The following JARID2 variants were observed in gnomAD, a reference collection of about 807,000 sequenced individuals.
JARID2 encodes protein Jumonji.
In JARID2, 21 loss-of-function variants were observed where a neutral mutation model predicts 125.6. That is an observed-to-expected ratio of 0.17 (90% confidence interval 0.12 to 0.24). The LOEUF is 0.24. Ranked by LOEUF, JARID2 falls within the 10% of genes least tolerant of loss-of-function variation. The probability of loss-of-function intolerance (pLI) is 1.00; values close to 1 mark genes in which losing one functional copy is unlikely to be tolerated. For synonymous variants in JARID2, 736 were observed against 661.6 expected (o/e 1.11, Z -1.73); for missense variants, 1,303 against 1,639.6 (o/e 0.79, Z 3.55).
chr6:15,460,212 G>T (rs900533837), intron 4 of JARID2, among the ~76,000 whole-genome samples: 11 of 152,316 alleles, frequency 7.2e-5, no homozygotes, highest in South Asian at 6.2e-4. Flanking sequence ...CTGAGGAGGG[G>T]AAGGATGGAT....
At chr6:15,458,167 A>C (rs1768275289) in intron 4 of JARID2, among the ~76,000 whole-genome samples, 1 of 152,128 alleles carries the variant, frequency 6.6e-6, no homozygotes, top group African/African-American at 2.4e-5. Flanking sequence ...GGTTATTCTT[A>C]ATGAGTTCTG....
intron 5 of JARID2, among the ~76,000 whole-genome samples, chr6:15,480,580 G>A (rs902896056): frequency 1.3e-5 from 2 of 152,190 alleles, no homozygotes; most frequent in South Asian, 4.1e-4. Flanking sequence ...AGCTTTGTCA[G>A]CTTTCTCTAA....
At chr6:15,447,577 C>T (rs1054173807) in intron 3 of JARID2, among the ~76,000 whole-genome samples, 2 of 152,202 alleles carry the variant, frequency 1.3e-5, no homozygotes, top group African/African-American at 2.4e-5. Context: ...ACCCCAGGAA[C>T]CCCGTGCTCT....
intron 1 of JARID2, among the ~76,000 whole-genome samples, chr6:15,371,596 A>T (rs1420512491): frequency 6.6e-6 from 1 of 152,182 alleles, no homozygotes; most frequent in Non-Finnish European, 1.5e-5. Context: ...TGCTGTAAAG[A>T]TTAATTCAGC....
At chr6:15,348,057 ATTTT>A (rs1763300775) in intron 1 of JARID2, among the ~76,000 whole-genome samples, 1 of 150,808 alleles carries the variant, frequency 6.6e-6, no homozygotes, top group Non-Finnish European at 1.5e-5. Flanking sequence ...AAGTTTAGTT[ATTTT>A]ATTTTTCTTA....
At chr6:15,469,797 TAGGTATAAAA>T (rs1317897540) in intron 5 of JARID2, among the ~76,000 whole-genome samples, 2 of 152,060 alleles carry the variant, frequency 1.3e-5, no homozygotes, top group Admixed American at 6.5e-5. Flanking sequence ...AGATGTAGAA[TAGGTATAAAA>T]AGGAGTGATT....
intron 1 of JARID2, among the ~76,000 whole-genome samples, chr6:15,298,666 T>G (rs1261562766): frequency 6.9e-6 from 1 of 145,550 alleles, no homozygotes; most frequent in Non-Finnish European, 1.5e-5. Context: ...GGCAACAGAG[T>G]GAGACTCCAT....
rs115419219 is a variant in JARID2, at chr6:15,376,884, T to C, written c.181+2632T>C. On this transcript the variant is annotated intron_variant, in intron 2 of 17. Coordinates refer to ENST00000341776, the MANE Select transcript of JARID2 (RefSeq NM_004973.4). ...CATGATCCAGAGAAAGCTCACACAGTAGGGAGCAACCAAGACTTTAGGGCT... is the reference window on the plus strand; with the variant it reads ...CATGATCCAGAGAAAGCTCACACAGCAGGGAGCAACCAAGACTTTAGGGCT... Among the ~76,000 whole-genome samples the C allele has an allele frequency of 7.5e-3, 1,143 of 152,232 alleles. 14 individuals carry two copies. Among genetic ancestry groups the C allele is most frequent in the African/African-American group, 0.026 (1,084 of 41,534 alleles).
Position 15,507,190 on chromosome 6 carries a change from G to A in JARID2, c.2596G>A (p.Gly866Ser). The A allele has an allele frequency of 7.4e-6, 12 of 1,614,022 alleles. No individual in the cohort carries two copies. Among genetic ancestry groups the A allele is most frequent in the Non-Finnish European group, 1.0e-5 (12 of 1,179,910 alleles). The stretch of plus-strand genomic sequence containing the variant: ...GGACTGCCACGTGGCAGTGCACTGC[G>A]GCAAGGTGGACACCAACACTCACGG... ...EKDCHVAVHC[G>S]KVDTNTHGSG... The change falls in exon 10 of 18, where the codon GGC (glycine) becomes AGC (serine). Residue 866 changes from glycine to serine, a missense_variant. By Grantham distance (56) the Gly-to-Ser change is moderately conservative. Transcript: ENST00000341776.
At chr6:15,403,814 A>C (rs1339274941) in intron 2 of JARID2, among the ~76,000 whole-genome samples, 1 of 152,144 alleles carries the variant, frequency 6.6e-6, no homozygotes, top group South Asian at 2.1e-4. Flanking sequence ...CTGTTTTTGC[A>C]GGGGTTAAAT....
At chr6:15,462,357 A>G (rs567469398) in intron 4 of JARID2, among the ~76,000 whole-genome samples, 1 of 152,330 alleles carries the variant, frequency 6.6e-6, no homozygotes, top group Admixed American at 6.5e-5. Flanking sequence ...AAAGTCTTTT[A>G]GGGAAGTTTG....
chr6:15,451,352 C>T (rs11759250), intron 3 of JARID2, among the ~76,000 whole-genome samples: 15,527 of 152,248 alleles, frequency 0.1, 979 homozygotes, highest in Non-Finnish European at 0.14. Context: ...TTAATGTCTA[C>T]CAAATAGTTG....
intron 3 of JARID2, among the ~76,000 whole-genome samples, chr6:15,440,400 G>A (rs1057319142): frequency 1.1e-4 from 16 of 152,168 alleles, no homozygotes; most frequent in African/African-American, 3.6e-4. Context: ...GAAGGTTTGG[G>A]CTGACCCCTT....
At chr6:15,519,506 C>T (rs968367680) in intron 17 of JARID2, among the ~76,000 whole-genome samples, 5 of 152,098 alleles carry the variant, frequency 3.3e-5, no homozygotes, top group East Asian at 1.9e-4. Flanking sequence ...ATAAGATGCA[C>T]GTTTGCTACT....
chr6:15,380,823 A>G (rs2127526710), intron 2 of JARID2, among the ~76,000 whole-genome samples: 1 of 152,284 alleles, frequency 6.6e-6, no homozygotes, highest in East Asian at 1.9e-4. Flanking sequence ...AGTCATAAAA[A>G]CGTATTTGTG....
At chr6:15,500,572 A>C (rs1236260554) in intron 7 of JARID2, among the ~76,000 whole-genome samples, 3 of 152,178 alleles carry the variant, frequency 2.0e-5, no homozygotes, top group African/African-American at 7.2e-5. Flanking sequence ...GTACCAGTAC[A>C]TGGTACACTG....
intron 6 of JARID2, among the ~76,000 whole-genome samples, chr6:15,488,106 G>T (rs537353777): frequency 6.6e-6 from 1 of 152,264 alleles, no homozygotes; most frequent in East Asian, 1.9e-4. Context: ...AGTGTAGGTG[G>T]CTGCCACCCT....
intron 1 of JARID2, among the ~76,000 whole-genome samples, chr6:15,269,902 C>G (rs1760231868): frequency 6.6e-6 from 1 of 152,128 alleles, no homozygotes; most frequent in South Asian, 2.1e-4. Context: ...TTGAGTTTTG[C>G]TGGGAAATTG....
chr6:15,469,290 GTCTCTCTGTCTCTGTCTCTC>G lies in JARID2; in HGVS notation c.670+586_670+605del, dbSNP rs1768909309. ...TCTGTCTCTCTGTCTCTCTGTCTCT[GTCTCTCTGTCTCTGTCTCTC>G]TCTCTCTGTCTCTCTCTCTCTCTCT... is the stretch of plus-strand genomic sequence containing the variant. On this transcript the variant is annotated intron_variant, in intron 5 of 17. Transcript: ENST00000341776. 6.5e-5 allele frequency among the ~76,000 whole-genome samples: 5 copies of G among 76,820 alleles called. No homozygotes were observed. In the East Asian group the frequency reaches 1.3e-3, roughly 20 times the overall value. The allele number at this position is 76,820 out of a possible 152,430, so 50.4% of individuals were successfully genotyped here.
Sources: allele counts gnomAD v4.1 joint callset (sites outside exome capture counted in the v4.1 genomes callset), GRCh38; gene constraint gnomAD v4.1.1; transcripts MANE v1.5; gene names NCBI Gene and HGNC (gene_info 2026-07-23, HGNC 2026-07-21).